Variants in GOLM1 observed in about 807,000 individuals in gnomAD.
GOLM1 encodes epididymis luminal protein 46.
GOLM1 carries 31 observed loss-of-function variants against 50.5 expected under a neutral mutation model. That is an observed-to-expected ratio of 0.61 (90% CI 0.46 to 0.83). The LOEUF (loss-of-function observed/expected upper bound fraction) is 0.83. Among genes scored for constraint, GOLM1 ranks in the 40% least tolerant of loss-of-function variants. The pLI is 0.00. For missense variants in GOLM1, 491 were observed against 501.3 expected, an observed-to-expected ratio of 0.98 and a Z score of 0.20; for synonymous variants, 178 against 192.8, an observed-to-expected ratio of 0.92 and a Z score of 0.64.
chr9:86,054,681 A>C (rs1219926004), intron 3 of GOLM1, among the ~76,000 whole-genome samples: 1 of 152,174 alleles, frequency 6.6e-6, no homozygotes, highest in African/African-American at 2.4e-5. Flanking sequence ...CCAGAGAGCA[A>C]GTTCTTCAAA....
At chr9:86,036,040 C>G (rs1833131528) in intron 7 of GOLM1, among the ~76,000 whole-genome samples, 1 of 152,148 alleles carries the variant, frequency 6.6e-6, no homozygotes, top group South Asian at 2.1e-4. Flanking sequence ...ACAGCAGCCT[C>G]CTGGTTCCCA....
chr9:86,038,735 GCACA>G (rs1278892286), intron 6 of GOLM1, among the ~76,000 whole-genome samples: 2 of 152,078 alleles, frequency 1.3e-5, no homozygotes, highest in Non-Finnish European at 2.9e-5. Context: ...CTTGATAACC[GCACA>G]CACACAAGAA....
At position 86,052,583 on chromosome 9, in the gene GOLM1, C is replaced by T. The variant is rs147764670; in HGVS notation, c.318G>A (p.Leu106=). The part of the protein sequence containing the change: ...NKLYQDEKAV[L]VNNITTGERL... The stretch of plus-strand genomic sequence containing the variant: ...TCTCACCTGTGGTGATGTTATTCAC[C>T]AAAACCGCCTGCAACGAAGATAAAC... The change falls in exon 4 of 10, where the codon TTG becomes TTA. Residue 106 remains leucine, a synonymous_variant. Coordinates refer to ENST00000388712, the MANE Select transcript of GOLM1 (RefSeq NM_016548.4). 1.9e-6 allele frequency: 3 copies of T among 1,613,228 alleles called. No individual in the cohort carries two copies. Among genetic ancestry groups the T allele is most frequent in the Non-Finnish European group, 2.5e-6 (3 of 1,179,290 alleles).
At chr9:86,035,012 G>A in intron 8 of GOLM1, 2 of 985,126 alleles carry the variant, frequency 2.0e-6, no homozygotes, top group Non-Finnish European at 2.4e-6. Flanking sequence ...TTGTCTAAAT[G>A]GCACCAGACA....
chr9:86,038,820 G>T (rs982526348), intron 6 of GOLM1, among the ~76,000 whole-genome samples: 1 of 152,024 alleles, frequency 6.6e-6, no homozygotes, highest in Non-Finnish European at 1.5e-5. Context: ...AGGCTTAAAC[G>T]TAAGAACTAA....
At chr9:86,042,032 GC>G (rs1183450408) in intron 5 of GOLM1, among the ~76,000 whole-genome samples, 2 of 152,136 alleles carry the variant, frequency 1.3e-5, no homozygotes, top group African/African-American at 4.8e-5. Flanking sequence ...CAGGAGAATG[GC>G]GTGAACCCGG....
At chr9:86,056,830 T>C (rs1287962664) in intron 3 of GOLM1, among the ~76,000 whole-genome samples, 1 of 151,708 alleles carries the variant, frequency 6.6e-6, no homozygotes, top group African/African-American at 2.4e-5. Flanking sequence ...AGAGACAGTC[T>C]CACTCTGTTG....
chr9:86,053,623 A>C (rs1468928773), intron 3 of GOLM1, among the ~76,000 whole-genome samples: 9 of 66,606 alleles, frequency 1.4e-4, no homozygotes, highest in Non-Finnish European at 2.1e-4. Context: ...ACCACACCAA[A>C]CATCACTACA....
At position 86,027,919 on chromosome 9, in the gene GOLM1, CTA is replaced by C. The variant is rs1832835914; in HGVS notation, c.1130-28_1130-27del. ...CTAAAAAGGAAAAACACATAATATT[CTA>C]TAGAGTATTAAATGAGATACTAGCC... On this transcript the variant is annotated intron_variant, in intron 9 of 9. Coordinates refer to ENST00000388712, the MANE Select transcript of GOLM1 (RefSeq NM_016548.4). The C allele has an allele frequency of 4.4e-6, 6 of 1,368,580 alleles. No individual in the cohort carries two copies. In the South Asian group the frequency reaches 5.9e-5, roughly 13 times the overall value. The allele number at this position is 1,368,580 out of a possible 1,614,324, so 84.8% of individuals were successfully genotyped here.
chr9:86,052,276 T>G (rs1833778505), intron 4 of GOLM1, among the ~76,000 whole-genome samples: 2 of 152,224 alleles, frequency 1.3e-5, no homozygotes, highest in South Asian at 4.1e-4. Context: ...TCATAAATAC[T>G]ATCTCTTAAC....
chr9:86,066,420 G>A (rs955634774), intron 3 of GOLM1, among the ~76,000 whole-genome samples: 4 of 152,122 alleles, frequency 2.6e-5, no homozygotes, highest in Admixed American at 2.0e-4. Context: ...GCCTCTTTAA[G>A]CTTTTCTTCT....
intron 5 of GOLM1, among the ~76,000 whole-genome samples, chr9:86,041,098 T>A (rs1833330303): frequency 6.6e-6 from 1 of 152,148 alleles, no homozygotes; most frequent in South Asian, 2.1e-4. Context: ...CTTTACTGAT[T>A]AGGCAGAAAA....
chr9:86,051,117 A>G (rs1833734481), intron 4 of GOLM1, among the ~76,000 whole-genome samples: 1 of 152,152 alleles, frequency 6.6e-6, no homozygotes. Context: ...TCATTTAGTT[A>G]TGTACCCAGT....
chr9:86,029,135 G>A (rs1181642098), intron 9 of GOLM1, among the ~76,000 whole-genome samples: 1 of 152,116 alleles, frequency 6.6e-6, no homozygotes, highest in African/African-American at 2.4e-5. Context: ...GGGATTACAA[G>A]CGTGAGCAAC....
chr9:86,034,962 A>C (rs1050200747), intron 8 of GOLM1: 612 of 702,472 alleles, frequency 8.7e-4, no homozygotes, highest in East Asian at 2.4e-3. Flanking sequence ...TCTACCCAAT[A>C]TTCCTTCCTT....
At chr9:86,057,552 C>G (rs1006547373) in intron 3 of GOLM1, among the ~76,000 whole-genome samples, 1 of 152,220 alleles carries the variant, frequency 6.6e-6, no homozygotes, top group African/African-American at 2.4e-5. Context: ...CAGAACCCCC[C>G]ACTCCCAGGA....
At chr9:86,093,952 C>A (rs1388623271) in intron 1 of GOLM1, among the ~76,000 whole-genome samples, 1 of 152,212 alleles carries the variant, frequency 6.6e-6, no homozygotes, top group Admixed American at 6.5e-5. Context: ...CCTCTAACTC[C>A]TTCTCAGAGG....
rs1352651455 is a variant in GOLM1 at position 86,035,883 on chromosome 9, CA to C, written c.758-259del. Among the ~76,000 whole-genome samples the C allele has an allele frequency of 1.6e-3, 158 of 99,412 alleles. 4 individuals carry two copies. In the South Asian group the frequency reaches 0.018, roughly 11 times the overall value. The allele number at this position is 99,412 out of a possible 152,430, so 65.2% of individuals were successfully genotyped here. The stretch of plus-strand genomic sequence containing the variant: ...TAGCTTACCAAAAAAAAAAACAAAA[CA>C]AAAAAAAAAAAACACCTGGACTAAA... On this transcript the variant is annotated intron_variant, in intron 7 of 9. Coordinates refer to ENST00000388712, the MANE Select transcript of GOLM1 (RefSeq NM_016548.4).
intron 4 of GOLM1, among the ~76,000 whole-genome samples, chr9:86,050,162 T>C (rs1833692698): frequency 6.6e-6 from 1 of 152,220 alleles, no homozygotes; most frequent in Non-Finnish European, 1.5e-5. Flanking sequence ...ATATGATGGA[T>C]TATGTTTACT....
Sources: allele counts gnomAD v4.1 joint callset (sites outside exome capture counted in the v4.1 genomes callset), GRCh38; gene constraint gnomAD v4.1.1; transcripts MANE v1.5; gene names NCBI Gene and HGNC (gene_info 2026-07-23, HGNC 2026-07-21).